CCSER1: variants seen among roughly 807,000 people sequenced by gnomAD.
CCSER1 encodes the protein coiled-coil serine rich protein 1.
CCSER1 carries 41 observed loss-of-function variants against 82.0 expected under a neutral mutation model. The ratio of observed to expected loss-of-function variants is 0.50; its 90% confidence interval spans 0.39 to 0.65. CCSER1 has a LOEUF of 0.65. CCSER1 is among the 30% of genes least tolerant of loss of function. The pLI, the probability that CCSER1 is intolerant of heterozygous loss-of-function variation, is 0.00. For missense variants in CCSER1, 1,119 were observed against 1,064.2 expected (o/e 1.05, Z -0.72); for synonymous variants, 414 against 383.9 (o/e 1.08, Z -0.92).
At chr4:91,357,874 C>T (rs1748954033) in intron 10 of CCSER1, among the ~76,000 whole-genome samples, 2 of 114,408 alleles carry the variant, frequency 1.7e-5, no homozygotes, top group Admixed American at 2.0e-4. Flanking sequence ...TAAATTCTGC[C>T]TGCCCCCCCC....
intron 9 of CCSER1, among the ~76,000 whole-genome samples, chr4:91,041,931 GTTAGTTC>G (rs1416239329): frequency 2.6e-5 from 4 of 152,142 alleles, no homozygotes; most frequent in Non-Finnish European, 5.9e-5. Context: ...AGGTCCACTT[GTTAGTTC>G]TTAGTTTATC....
chr4:91,193,775 C>G (rs1406466297), intron 10 of CCSER1, among the ~76,000 whole-genome samples: 1 of 151,664 alleles, frequency 6.6e-6, no homozygotes, highest in Non-Finnish European at 1.5e-5. Context: ...ATGCCCATTG[C>G]TTATATGTCT....
At chr4:90,597,443 A>G (rs1175640184) in intron 5 of CCSER1, among the ~76,000 whole-genome samples, 4 of 152,066 alleles carry the variant, frequency 2.6e-5, no homozygotes, top group Admixed American at 6.6e-5. Flanking sequence ...TTTTTAAAAT[A>G]TACTATTTAA....
At chr4:90,830,343 G>T (rs1196723366) in intron 8 of CCSER1, among the ~76,000 whole-genome samples, 1 of 152,150 alleles carries the variant, frequency 6.6e-6, no homozygotes, top group Non-Finnish European at 1.5e-5. Context: ...CAAAGCTGCA[G>T]AATGTCATTT....
intron 6 of CCSER1, among the ~76,000 whole-genome samples, chr4:90,641,531 T>G (rs1461318768): frequency 1.3e-5 from 2 of 152,166 alleles, no homozygotes; most frequent in Non-Finnish European, 2.9e-5. Flanking sequence ...ACTTTCCAAG[T>G]GTATGTAATC....
chr4:91,438,167 C>G (rs894981892), intron 10 of CCSER1, among the ~76,000 whole-genome samples: 1 of 152,236 alleles, frequency 6.6e-6, no homozygotes, highest in Non-Finnish European at 1.5e-5. Context: ...TGAGAATGGG[C>G]AGACTACCTC....
intron 10 of CCSER1, among the ~76,000 whole-genome samples, chr4:91,247,316 A>G (rs903721852): frequency 2.7e-5 from 4 of 146,324 alleles, no homozygotes; most frequent in Non-Finnish European, 6.0e-5. Context: ...AAAAAAAAAA[A>G]GCCTGGAATT....
At chr4:90,778,141 A>T (rs2149596185) in intron 7 of CCSER1, among the ~76,000 whole-genome samples, 1 of 152,290 alleles carries the variant, frequency 6.6e-6, no homozygotes, top group East Asian at 1.9e-4. Context: ...TTTTGCCTGT[A>T]ACCAAATAAC....
At chr4:91,586,966 TAATA>T (rs767708837) in intron 10 of CCSER1, among the ~76,000 whole-genome samples, 10 of 151,826 alleles carry the variant, frequency 6.6e-5, no homozygotes, top group Non-Finnish European at 1.3e-4. Flanking sequence ...ATGAATGAAA[TAATA>T]AATAGTGAAG....
At chr4:90,290,222 C>T (rs567579618) in intron 1 of CCSER1, among the ~76,000 whole-genome samples, 32 of 151,900 alleles carry the variant, frequency 2.1e-4, no homozygotes, top group African/African-American at 6.0e-4. Flanking sequence ...CAGGACCAAA[C>T]CAGAATGCTA....
intron 9 of CCSER1, among the ~76,000 whole-genome samples, chr4:90,964,597 C>T (rs936443321): frequency 9.2e-5 from 14 of 151,534 alleles, no homozygotes; most frequent in South Asian, 2.1e-4. Context: ...TGGTGGCAGG[C>T]GCCTGTTGTC....
intron 10 of CCSER1, among the ~76,000 whole-genome samples, chr4:91,576,614 T>G (rs1763462071): frequency 6.6e-6 from 1 of 152,002 alleles, no homozygotes; most frequent in Non-Finnish European, 1.5e-5. Context: ...GATTTTGGAA[T>G]GTTTGCATAT....
chr4:90,768,373 G>A (rs1751577721), intron 7 of CCSER1, among the ~76,000 whole-genome samples: 2 of 152,188 alleles, frequency 1.3e-5, no homozygotes, highest in African/African-American at 4.8e-5. Context: ...ACCAACATAA[G>A]CTAGGCCTAA....
intron 7 of CCSER1, 29 bp from the exon 8 acceptor site, chr4:90,815,733 A>C: frequency 6.6e-7 from 1 of 1,513,664 alleles, no homozygotes; most frequent in Non-Finnish European, 9.0e-7. Flanking sequence ...GGCTAAGCCT[A>C]TTATGCTGTC....
At chr4:90,861,928 T>TATATATATATATATATA (rs1561265442) in intron 8 of CCSER1, among the ~76,000 whole-genome samples, 188 of 109,294 alleles carry the variant, frequency 1.7e-3, no homozygotes, top group African/African-American at 5.1e-3. Context: ...ATATATATAT[T>TATATATATATATATATA]TTTTTTTTCT....
chr4:90,134,393 G>A (rs1170728922), intron 1 of CCSER1, among the ~76,000 whole-genome samples: 1 of 152,152 alleles, frequency 6.6e-6, no homozygotes, highest in Non-Finnish European at 1.5e-5. Context: ...CTGAGGACTT[G>A]GAGATGGAGG....
chr4:90,618,484 A>G (rs1432443039), intron 5 of CCSER1, among the ~76,000 whole-genome samples: 2 of 151,902 alleles, frequency 1.3e-5, no homozygotes, highest in Non-Finnish European at 2.9e-5. Flanking sequence ...GCATTCTTCA[A>G]ATGGCTATAA....
At chr4:90,806,727 C>T (rs1433551465) in intron 7 of CCSER1, among the ~76,000 whole-genome samples, 1 of 152,130 alleles carries the variant, frequency 6.6e-6, no homozygotes, top group Non-Finnish European at 1.5e-5. Flanking sequence ...GGGAGTAGTA[C>T]AAGAGCCAAC....
chr4:90,478,449 C>A (rs566612568), intron 5 of CCSER1, among the ~76,000 whole-genome samples: 1 of 152,222 alleles, frequency 6.6e-6, no homozygotes, highest in African/African-American at 2.4e-5. Context: ...ACATTGTAAG[C>A]ATAATTACGT....
Sources: gnomAD v4.1 joint callset for allele counts (sites outside exome capture counted in the v4.1 genomes callset) on GRCh38, gnomAD v4.1.1 for gene constraint, MANE v1.5 for transcripts, NCBI Gene and HGNC (gene_info 2026-07-23, HGNC 2026-07-21) for gene names.